The following GMDS variants were observed in gnomAD, a reference collection of about 807,000 sequenced individuals.
The protein encoded by GMDS is GDP-mannose 4,6 dehydratase.
A neutral mutation model predicts 49.9 loss-of-function variants in GMDS; 20 were observed. The observed-to-expected ratio is 0.40, with a 90% CI of 0.28 to 0.58. The LOEUF (loss-of-function observed/expected upper bound fraction) is 0.58. Ranked by LOEUF, GMDS falls within the 20% of genes least tolerant of loss-of-function variation. The pLI is 0.42. For synonymous variants in GMDS, 177 were observed against 178.6 expected (o/e 0.99, Z 0.07); for missense variants, 362 against 481.4 (o/e 0.75, Z 2.32).
At chr6:1,952,950 C>T (rs919335056) in intron 6 of GMDS, among the ~76,000 whole-genome samples, 2 of 152,148 alleles carry the variant, frequency 1.3e-5, no homozygotes, top group Non-Finnish European at 2.9e-5. Flanking sequence ...CAACGGCCCA[C>T]GAGGTAGGCT....
intron 4 of GMDS, among the ~76,000 whole-genome samples, chr6:2,025,601 A>G (rs973553228): frequency 3.3e-5 from 5 of 152,164 alleles, no homozygotes; most frequent in Non-Finnish European, 5.9e-5. Context: ...ATTATTATCC[A>G]AGTAAATTAA....
intron 4 of GMDS, among the ~76,000 whole-genome samples, chr6:1,970,732 C>G (rs1171815703): frequency 6.6e-6 from 1 of 152,054 alleles, no homozygotes; most frequent in Non-Finnish European, 1.5e-5. Flanking sequence ...AAAGGAGGGA[C>G]AGATGACATG....
chr6:1,900,392 A>G (rs1274943933), intron 7 of GMDS, among the ~76,000 whole-genome samples: 1 of 152,218 alleles, frequency 6.6e-6, no homozygotes, highest in African/African-American at 2.4e-5. Flanking sequence ...CACATAACAC[A>G]CAAGCACCAA....
intron 7 of GMDS, among the ~76,000 whole-genome samples, chr6:1,853,008 C>T (rs1439424839): frequency 6.6e-6 from 1 of 151,760 alleles, no homozygotes; most frequent in East Asian, 2.0e-4. Context: ...GCCTGGGATC[C>T]GCTTTAAAGT....
chr6:1,691,330 A>AG (rs1451494808), intron 9 of GMDS, among the ~76,000 whole-genome samples: 2 of 148,640 alleles, frequency 1.3e-5, no homozygotes, highest in Admixed American at 1.3e-4. Flanking sequence ...GGACACGGGG[A>AG]GGGGCACACA....
chr6:1,942,713 C>G (rs1762877206), intron 6 of GMDS, among the ~76,000 whole-genome samples: 2 of 152,220 alleles, frequency 1.3e-5, no homozygotes, highest in Non-Finnish European at 2.9e-5. Flanking sequence ...CTGAAGATAT[C>G]TGAGTTACTG....
At chr6:2,245,047 G>C (rs1039796898) in intron 1 of GMDS, among the ~76,000 whole-genome samples, 1 of 152,218 alleles carries the variant, frequency 6.6e-6, no homozygotes, top group Non-Finnish European at 1.5e-5. Flanking sequence ...AGGTGAGAGC[G>C]GGCGGTCCTG....
At chr6:1,941,380 C>A (rs905737832) in intron 6 of GMDS, among the ~76,000 whole-genome samples, 4 of 151,530 alleles carry the variant, frequency 2.6e-5, no homozygotes, top group African/African-American at 9.7e-5. Flanking sequence ...TGTTTACAGG[C>A]CAGATGAGGA....
chr6:1,805,030 A>T (rs1167087070), intron 7 of GMDS, among the ~76,000 whole-genome samples: 1 of 152,220 alleles, frequency 6.6e-6, no homozygotes, highest in East Asian at 1.9e-4. Flanking sequence ...CAGCTATCTT[A>T]CCATCTATAA....
chr6:1,874,090 C>T (rs747496643), intron 7 of GMDS, among the ~76,000 whole-genome samples: 4 of 152,208 alleles, frequency 2.6e-5, no homozygotes, highest in Admixed American at 6.5e-5. Context: ...TGCTTGGAGG[C>T]GTGCCACCCC....
At chr6:1,893,232 C>T (rs898293375) in intron 7 of GMDS, among the ~76,000 whole-genome samples, 1 of 135,776 alleles carries the variant, frequency 7.4e-6, no homozygotes, top group African/African-American at 2.8e-5. Context: ...CTGACTCTGT[C>T]ACCCAGGCTG....
intron 4 of GMDS, among the ~76,000 whole-genome samples, chr6:2,115,329 G>T (rs1774787112): frequency 6.6e-6 from 1 of 152,158 alleles, no homozygotes; most frequent in Admixed American, 6.5e-5. Flanking sequence ...AGTTAATTCA[G>T]CTAATTTTAA....
At chr6:1,845,618 G>T (rs1757365523) in intron 7 of GMDS, among the ~76,000 whole-genome samples, 2 of 152,154 alleles carry the variant, frequency 1.3e-5, no homozygotes, top group Non-Finnish European at 2.9e-5. Flanking sequence ...TGGCACCAGG[G>T]ACTGGTTTTG....
chr6:1,775,607 G>A (rs1232793019), intron 7 of GMDS, among the ~76,000 whole-genome samples: 1 of 152,204 alleles, frequency 6.6e-6, no homozygotes, highest in Non-Finnish European at 1.5e-5. Flanking sequence ...TGAAGCCTGT[G>A]TATATAGAGC....
intron 1 of GMDS, among the ~76,000 whole-genome samples, chr6:2,153,714 G>A (rs1776960825): frequency 6.6e-6 from 1 of 152,128 alleles, no homozygotes; most frequent in African/African-American, 2.4e-5. Context: ...GTTTTCATAT[G>A]CTATTGGTAG....
At chr6:1,874,288 C>T (rs958409390) in intron 7 of GMDS, among the ~76,000 whole-genome samples, 2 of 152,074 alleles carry the variant, frequency 1.3e-5, no homozygotes, top group African/African-American at 2.4e-5. Context: ...ATAGAAAAAA[C>T]GGTGGAGAAG....
In GMDS at chr6:2,060,887, G is replaced by T. The variant is rs554343456; in HGVS notation, c.345+54884C>A. On this transcript the variant is annotated intron_variant, in intron 4 of 10. Transcript: ENST00000380815. ...ATACAAAAATTAGCCGGGCGTAGTGGCAGGCGCCTTTAATCCCAGCTACCT... is the reference window on the plus strand; with the variant it reads ...ATACAAAAATTAGCCGGGCGTAGTGTCAGGCGCCTTTAATCCCAGCTACCT... Among the ~76,000 whole-genome samples, 11 of 152,220 alleles carry T rather than the reference G, an allele frequency of 7.2e-5. No homozygotes were observed. In the South Asian group the frequency reaches 2.1e-3, roughly 29 times the overall value.
intron 6 of GMDS, among the ~76,000 whole-genome samples, chr6:1,948,074 T>A (rs1763172499): frequency 6.6e-6 from 1 of 152,178 alleles, no homozygotes; most frequent in Non-Finnish European, 1.5e-5. Flanking sequence ...TTAATGCTTA[T>A]AACAACCTTA....
Position 1,894,562 on chromosome 6 carries a change from C to T in GMDS, c.771+35541G>A, listed in dbSNP as rs146961650. Among the ~76,000 whole-genome samples the T allele has an allele frequency of 2.8e-4, 42 of 152,160 alleles. No homozygotes were observed. In the East Asian group the frequency reaches 5.8e-3, roughly 21 times the overall value. ...TTTACAGTTTCAAAGTGAGAGCACC[C>T]GTTTATCTCATTTTCACCTAAATGT... On this transcript the variant is annotated intron_variant, in intron 7 of 10. Coordinates refer to ENST00000380815, the MANE Select transcript of GMDS (RefSeq NM_001500.4).
Sources: gnomAD v4.1 joint callset for allele counts (sites outside exome capture counted in the v4.1 genomes callset) on GRCh38, gnomAD v4.1.1 for gene constraint, MANE v1.5 for transcripts, NCBI Gene and HGNC (gene_info 2026-07-23, HGNC 2026-07-21) for gene names.